Variants in FAM178B observed in about 807,000 individuals in gnomAD.
FAM178B encodes family with sequence similarity 178 member B.
FAM178B carries 82 observed loss-of-function variants against 91.7 expected under a neutral mutation model. That is an observed-to-expected ratio of 0.89 (90% CI 0.75 to 1.07). The LOEUF (loss-of-function observed/expected upper bound fraction) is 1.07, where lower values mean the gene tolerates loss of function less well. Among genes scored for constraint, FAM178B ranks in the 50% least tolerant of loss-of-function variants. FAM178B has a pLI of 0.00. For synonymous variants in FAM178B, 368 were observed against 359.4 expected, an observed-to-expected ratio of 1.02 and a Z score of -0.27; for missense variants, 769 against 846.7, an observed-to-expected ratio of 0.91 and a Z score of 1.14.
At chr2:96,889,067 C>T (rs1159270254) in intron 14 of FAM178B, among the ~76,000 whole-genome samples, 1 of 152,152 alleles carries the variant, frequency 6.6e-6, no homozygotes, top group Non-Finnish European at 1.5e-5. Flanking sequence ...CCGCAGGGAC[C>T]ATAACAGGTG....
rs374347322 is a variant in FAM178B at position 96,947,993 on chromosome 2, A to C, written c.994-91T>G. 1.2e-5 allele frequency: 8 copies of C among 675,864 alleles called. No individual in the cohort carries two copies. In the East Asian group the frequency reaches 2.2e-4, roughly 18 times the overall value. 41.9% of individuals were successfully genotyped at this position (675,864 alleles called of 1,614,324 possible). ...AGCAAACTTCTATTACTCCACGTTA[A>C]ATAAATCCCATTTAATTCTCATAAG... On this transcript the variant is annotated intron_variant, in intron 7 of 16. Coordinates refer to ENST00000490605, the MANE Select transcript of FAM178B (RefSeq NM_001122646.3).
chr2:96,921,198 A>G lies in FAM178B; in HGVS notation c.1529T>C (p.Val510Ala), dbSNP rs1251301094. The G allele has an allele frequency of 1.3e-6, 2 of 1,551,612 alleles. No individual in the cohort carries two copies. Among genetic ancestry groups the G allele is most frequent in the Non-Finnish European group, 1.7e-6 (2 of 1,146,972 alleles). ...SDHHHNLLAL[V>A]QFFPDMTSRS... ...GGAGGTCATGTCTGGGAAGAACTGC[A>G]CGAGGGCCAGCAGGTTGTGGTGGTG... The change falls in exon 12 of 17, where the codon GTG becomes GCG. Residue 510 changes from valine (V) to alanine (A), a missense_variant. Physicochemically the swap from Val to Ala is moderately conservative, Grantham distance 64. Coordinates refer to ENST00000490605, the MANE Select transcript of FAM178B (RefSeq NM_001122646.3).
chr2:96,897,832 T>C, intron 13 of FAM178B: 1 of 369,216 alleles, frequency 2.7e-6, no homozygotes, highest in Non-Finnish European at 3.7e-6. Flanking sequence ...GCCCAAATCC[T>C]TGCAGGGGCT....
At chr2:96,890,826 C>T (rs1285141048) in intron 14 of FAM178B, among the ~76,000 whole-genome samples, 2 of 152,092 alleles carry the variant, frequency 1.3e-5, no homozygotes, top group Non-Finnish European at 2.9e-5. Flanking sequence ...CACCCTCTAC[C>T]ACTGTCAGCC....
At chr2:96,917,591 C>G (rs888451449) in intron 12 of FAM178B, among the ~76,000 whole-genome samples, 1 of 152,224 alleles carries the variant, frequency 6.6e-6, no homozygotes, top group African/African-American at 2.4e-5. Flanking sequence ...CATGGTGGCT[C>G]ACACCCGTGA....
intron 5 of FAM178B, among the ~76,000 whole-genome samples, chr2:96,966,674 A>G (rs1298462204): frequency 1.3e-5 from 2 of 152,050 alleles, no homozygotes; most frequent in East Asian, 3.8e-4. Flanking sequence ...CCCCCAAAAT[A>G]TATGTGTTGA....
Position 96,877,558 on chromosome 2 carries a change from G to A in FAM178B, c.2007+332C>T, listed in dbSNP as rs371096124. Among the ~76,000 whole-genome samples, 18 of 152,168 alleles carry A rather than the reference G, an allele frequency of 1.2e-4. No individual in the cohort carries two copies. In the East Asian group the frequency reaches 2.3e-3, roughly 20 times the overall value. On this transcript the variant is annotated intron_variant, in intron 16 of 16. Transcript: ENST00000490605. ...GCTGGGATTACAGGCGCACACCACC[G>A]CGCCCGGCTAATTTTTTTAATCTTT...
rs1030466064 is a variant in FAM178B, at chr2:96,986,379, G to C, written c.-66C>G. On this transcript the variant is annotated 5_prime_UTR_variant, in exon 1 of 17. Coordinates refer to ENST00000490605, the MANE Select transcript of FAM178B (RefSeq NM_001122646.3). Reference sequence around the variant, plus strand: ...GGGAATTCGCACGGCCTCAGAGGACGGGGCCAGCTAGCCGGGAAAGGAAGC... The same window carrying C: ...GGGAATTCGCACGGCCTCAGAGGACCGGGCCAGCTAGCCGGGAAAGGAAGC... 3.5e-5 allele frequency: 53 copies of C among 1,499,310 alleles called. 1 individual carries two copies. Among genetic ancestry groups the C allele is most frequent in the East Asian group, 1.5e-4 (6 of 39,922 alleles). The allele number at this position is 1,499,310 out of a possible 1,614,324, so 92.9% of individuals were successfully genotyped here. A position where few individuals can be genotyped will look rare whatever the true frequency, so the allele number is the denominator to read the frequency against.
At chr2:96,926,519 T>G (rs988622557) in intron 9 of FAM178B, among the ~76,000 whole-genome samples, 1 of 152,208 alleles carries the variant, frequency 6.6e-6, no homozygotes, top group Non-Finnish European at 1.5e-5. Flanking sequence ...AGTCCCATTC[T>G]GTGTTGCAGC....
intron 10 of FAM178B, among the ~76,000 whole-genome samples, chr2:96,922,052 T>C (rs1284768359): frequency 6.6e-6 from 1 of 152,036 alleles, no homozygotes; most frequent in Non-Finnish European, 1.5e-5. Context: ...AAAACCAAGA[T>C]GATGACCAGA....
intron 12 of FAM178B, among the ~76,000 whole-genome samples, chr2:96,911,873 C>T (rs1001003205): frequency 3.9e-5 from 6 of 152,154 alleles, no homozygotes; most frequent in East Asian, 1.9e-4. Context: ...CCTGGGAAGG[C>T]GGTGACTCCT....
chr2:96,917,103 G>C (rs1381114565), intron 12 of FAM178B, among the ~76,000 whole-genome samples: 1 of 152,166 alleles, frequency 6.6e-6, no homozygotes, highest in Admixed American at 6.5e-5. Context: ...GGAAACGGCG[G>C]GTACGTGCAC....
At chr2:96,953,118 C>T (rs932071635) in intron 6 of FAM178B, among the ~76,000 whole-genome samples, 1 of 152,182 alleles carries the variant, frequency 6.6e-6, no homozygotes, top group Non-Finnish European at 1.5e-5. Flanking sequence ...CAGCTTTGTT[C>T]CTGTGGTTGT....
In FAM178B at chr2:96,972,608, T is replaced by C. The variant is rs2082237734; in HGVS notation, c.74-2A>G. 6.4e-7 allele frequency: 1 copy of C among 1,551,316 alleles called. No homozygotes were observed. Among genetic ancestry groups the C allele is most frequent in the Non-Finnish European group, 8.7e-7 (1 of 1,146,948 alleles). On this transcript the variant is annotated splice_acceptor_variant, in intron 1 of 16. Coordinates refer to ENST00000490605, the MANE Select transcript of FAM178B (RefSeq NM_001122646.3). LOFTEE classifies it high-confidence loss of function. The stretch of plus-strand genomic sequence containing the variant: ...TCTGCAAGCCGTGGGACATCTGTCC[T>C]GGAAGGAAGCGCCTGTGAGGGCAGG...
intron 6 of FAM178B, among the ~76,000 whole-genome samples, chr2:96,955,073 A>T (rs2081979878): frequency 6.6e-6 from 1 of 152,118 alleles, no homozygotes; most frequent in African/African-American, 2.4e-5. Context: ...AATGAAATAA[A>T]AATGAGTGTT....
chr2:96,944,167 G>A lies in FAM178B; in HGVS notation c.1078+3651C>T, dbSNP rs553833024. On this transcript the variant is annotated intron_variant, in intron 8 of 16. Coordinates refer to ENST00000490605, the MANE Select transcript of FAM178B (RefSeq NM_001122646.3). ...TGAGGCAGGAGAATGGCGTGAACCC[G>A]GGAGGTGGAGCTTGCAGTGGGCCGA... Among the ~76,000 whole-genome samples the A allele has an allele frequency of 1.1e-3, 160 of 151,016 alleles. 1 individual carries two copies. The highest frequency in any genetic ancestry group is 3.7e-3 in the African/African-American group (151 of 40,906).
chr2:96,917,908 T>C (rs1042687391), intron 12 of FAM178B, among the ~76,000 whole-genome samples: 3 of 152,098 alleles, frequency 2.0e-5, no homozygotes, highest in Non-Finnish European at 4.4e-5. Context: ...ACTGGCTGTT[T>C]GGGGATGGAA....
intron 1 of FAM178B, among the ~76,000 whole-genome samples, chr2:96,982,248 T>C (rs1467024074): frequency 6.6e-6 from 1 of 151,916 alleles, no homozygotes; most frequent in African/African-American, 2.4e-5. Context: ...ATATAGTATA[T>C]GTACATACTT....
At chr2:96,954,384 CG>C (rs970017595) in intron 6 of FAM178B, among the ~76,000 whole-genome samples, 4 of 152,272 alleles carry the variant, frequency 2.6e-5, no homozygotes, top group Non-Finnish European at 5.9e-5. Context: ...TCAGCTACAA[CG>C]GGGAAACCCG....
Sources: allele counts gnomAD v4.1 joint callset (sites outside exome capture counted in the v4.1 genomes callset), GRCh38; gene constraint gnomAD v4.1.1; transcripts MANE v1.5; gene names NCBI Gene and HGNC (gene_info 2026-07-23, HGNC 2026-07-21).